The following RAD51B variants were observed in gnomAD, a reference collection of about 807,000 sequenced individuals.
RAD51B encodes the protein RAD51 paralog B.
RAD51B carries 38 observed loss-of-function variants against 42.2 expected under a neutral mutation model. That is an observed-to-expected ratio of 0.90 (90% confidence interval 0.70 to 1.18). RAD51B has a LOEUF of 1.18. Ranked by LOEUF, RAD51B falls within the 50% of genes most tolerant of loss-of-function variation. The probability of loss-of-function intolerance (pLI) is 0.00; values close to 1 mark genes in which losing one functional copy is unlikely to be tolerated. For synonymous variants in RAD51B, 154 were observed against 145.2 expected, an observed-to-expected ratio of 1.06 and a Z score of -0.43; for missense variants, 373 against 400.7, an observed-to-expected ratio of 0.93 and a Z score of 0.59.
intron 3 of RAD51B, among the ~76,000 whole-genome samples, chr14:67,826,324 T>C (rs1286852358): frequency 1.3e-5 from 2 of 152,212 alleles, no homozygotes; most frequent in African/African-American, 4.8e-5. Flanking sequence ...TAAAAGGTAA[T>C]TAAAAATTTA....
At chr14:68,137,269 A>T (rs2140707672) in intron 7 of RAD51B, among the ~76,000 whole-genome samples, 1 of 152,310 alleles carries the variant, frequency 6.6e-6, no homozygotes, top group East Asian at 1.9e-4. Flanking sequence ...ACTGGACCTA[A>T]GGATTTGAGT....
intron 9 of RAD51B, among the ~76,000 whole-genome samples, chr14:68,439,797 TG>T (rs754123458): frequency 6.6e-6 from 1 of 152,226 alleles, no homozygotes; most frequent in Non-Finnish European, 1.5e-5. Flanking sequence ...TAATGTCTCA[TG>T]GGGGTTGGGG....
chr14:68,128,890 T>C (rs114223815), intron 7 of RAD51B, among the ~76,000 whole-genome samples: 180 of 152,340 alleles, frequency 1.2e-3, no homozygotes, highest in African/African-American at 4.1e-3. Context: ...TTTTCTTTAC[T>C]CTGAAAGGTA....
chr14:68,096,455 T>A (rs2077196605), intron 7 of RAD51B, among the ~76,000 whole-genome samples: 1 of 152,220 alleles, frequency 6.6e-6, no homozygotes, highest in Admixed American at 6.5e-5. Flanking sequence ...ACTCAGCTGC[T>A]TTTACCTCTT....
intron 7 of RAD51B, among the ~76,000 whole-genome samples, chr14:67,911,180 T>G (rs2043967724): frequency 3.3e-5 from 5 of 152,180 alleles, no homozygotes; most frequent in Admixed American, 3.3e-4. Context: ...GGTGATGTTA[T>G]TGAGCAGTGT....
At chr14:67,995,923 CTTCATT>C in intron 7 of RAD51B, among the ~76,000 whole-genome samples, 1 of 152,074 alleles carries the variant, frequency 6.6e-6, no homozygotes, top group Non-Finnish European at 1.5e-5. Flanking sequence ...GGCCTATATT[CTTCATT>C]TTTAAAAAAT....
chr14:68,595,947 T>C, exon 11 of RAD51B: 1 of 501,230 alleles, frequency 2.0e-6, no homozygotes, highest in Non-Finnish European at 2.7e-6. Flanking sequence ...TTTTTTGGAA[T>C]TGTCTTTTTT....
intron 9 of RAD51B, among the ~76,000 whole-genome samples, chr14:68,460,814 A>G (rs2085826364): frequency 6.6e-6 from 1 of 152,182 alleles, no homozygotes; most frequent in Admixed American, 6.5e-5. Context: ...GAATCTTGGC[A>G]GTGATTGACT....
At chr14:68,668,297 T>C (rs912297035) in intron 11 of RAD51B, among the ~76,000 whole-genome samples, 4 of 152,204 alleles carry the variant, frequency 2.6e-5, no homozygotes, top group African/African-American at 9.6e-5. Flanking sequence ...CACCACTCTG[T>C]CCACAGCCTC....
At chr14:68,265,496 T>C (rs2080972532) in intron 7 of RAD51B, among the ~76,000 whole-genome samples, 1 of 152,170 alleles carries the variant, frequency 6.6e-6, no homozygotes, top group Admixed American at 6.5e-5. Flanking sequence ...ACACCTGTAA[T>C]CCTAGCACTT....
chr14:68,037,508 C>T (rs540977508), intron 7 of RAD51B, among the ~76,000 whole-genome samples: 48 of 152,058 alleles, frequency 3.2e-4, no homozygotes, highest in East Asian at 9.8e-4. Flanking sequence ...TGTGAGCCAC[C>T]GTGCCTGGCT....
At chr14:67,982,210 C>T (rs1332456546) in intron 7 of RAD51B, among the ~76,000 whole-genome samples, 1 of 152,156 alleles carries the variant, frequency 6.6e-6, no homozygotes, top group East Asian at 1.9e-4. Context: ...GCTGCGATTA[C>T]AGGCATAAGC....
At chr14:68,290,794 A>T (rs551009136) in intron 7 of RAD51B, among the ~76,000 whole-genome samples, 232 of 103,868 alleles carry the variant, frequency 2.2e-3, no homozygotes, top group African/African-American at 6.7e-3. Flanking sequence ...TTATTTATTT[A>T]TTTTTATTTA....
At chr14:68,204,624 G>A (rs771357452) in intron 7 of RAD51B, among the ~76,000 whole-genome samples, 5 of 152,210 alleles carry the variant, frequency 3.3e-5, no homozygotes, top group Non-Finnish European at 7.3e-5. Context: ...TGTGAAGCAC[G>A]ATAAAGTGGA....
chr14:68,630,912 C>A (rs748193009), intron 10 of RAD51B, among the ~76,000 whole-genome samples: 5 of 152,038 alleles, frequency 3.3e-5, no homozygotes, highest in Admixed American at 6.6e-5. Context: ...AGTGTTTGTG[C>A]AAGTATTTGA....
chr14:67,866,627 A>C (rs1038763361), intron 5 of RAD51B, among the ~76,000 whole-genome samples: 6 of 152,214 alleles, frequency 3.9e-5, no homozygotes, highest in Admixed American at 6.5e-5. Flanking sequence ...ATGTTATTTT[A>C]TTACCAGTAT....
intron 7 of RAD51B, among the ~76,000 whole-genome samples, chr14:68,159,211 G>C (rs969135624): frequency 1.4e-4 from 21 of 151,966 alleles, no homozygotes; most frequent in Non-Finnish European, 2.8e-4. Flanking sequence ...GTCTGTTTAG[G>C]GGGGTTATCA....
intron 7 of RAD51B, among the ~76,000 whole-genome samples, chr14:68,031,291 A>G (rs1474850156): frequency 6.6e-6 from 1 of 152,182 alleles, no homozygotes; most frequent in Non-Finnish European, 1.5e-5. Flanking sequence ...ATTCACTACC[A>G]TGAGAACAGT....
At chr14:68,228,476 G>T (rs547192377) in intron 7 of RAD51B, among the ~76,000 whole-genome samples, 2 of 151,710 alleles carry the variant, frequency 1.3e-5, no homozygotes, top group Admixed American at 1.3e-4. Flanking sequence ...TCATTGTCTC[G>T]CCTTTAACAC....
Sources: allele counts gnomAD v4.1 joint callset (sites outside exome capture counted in the v4.1 genomes callset), GRCh38; gene constraint gnomAD v4.1.1; transcripts MANE v1.5; gene names NCBI Gene and HGNC (gene_info 2026-07-23, HGNC 2026-07-21).